ARL6IP1: variants seen among roughly 807,000 people sequenced by gnomAD.
ARL6IP1 encodes ADP-ribosylation factor-like protein 6-interacting protein 1.
ARL6IP1 carries 16 observed loss-of-function variants against 30.1 expected under a neutral mutation model. The ratio of observed to expected loss-of-function variants is 0.53; its 90% CI spans 0.36 to 0.81. ARL6IP1 has a LOEUF of 0.81. Among genes scored for constraint, ARL6IP1 ranks in the 30% least tolerant of loss-of-function variants. ARL6IP1 has a pLI of 0.01. For synonymous variants in ARL6IP1, 72 were observed against 84.8 expected, an observed-to-expected ratio of 0.85 and a Z score of 0.83; for missense variants, 173 against 242.7, an observed-to-expected ratio of 0.71 and a Z score of 1.91.
chr16:18,799,471 A>G (rs1567292917), intron 1 of ARL6IP1, among the ~76,000 whole-genome samples: 1 of 152,262 alleles, frequency 6.6e-6, no homozygotes, highest in Non-Finnish European at 1.5e-5. Flanking sequence ...TCTCAAAGTC[A>G]TGCGGGGAAT....
At chr16:18,801,094 G>A in intron 1 of ARL6IP1, 2 of 1,010,228 alleles carry the variant, frequency 2.0e-6, no homozygotes, top group Non-Finnish European at 2.6e-6. Context: ...GCTGGGGCCT[G>A]AGCCGCGAAA....
chr16:18,794,577 T>C, intron 5 of ARL6IP1, 22 bp downstream of exon 5: 1 of 1,594,074 alleles, frequency 6.3e-7, no homozygotes, highest in Non-Finnish European at 8.6e-7. Flanking sequence ...GATGTGCCTG[T>C]AGTTTTTCCT....
At chr16:18,795,229 T>C in intron 4 of ARL6IP1, 1 of 379,268 alleles carries the variant, frequency 2.6e-6, no homozygotes, top group Non-Finnish European at 4.8e-6. Context: ...TTTACTATTA[T>C]TTCAGTAAGA....
intron 5 of ARL6IP1, among the ~76,000 whole-genome samples, chr16:18,793,901 CAT>C (rs2030149820): frequency 2.0e-5 from 3 of 152,006 alleles, no homozygotes; most frequent in Admixed American, 1.3e-4. Flanking sequence ...TTTTAGTACA[CAT>C]GTGATTTCGC....
intron 3 of ARL6IP1, among the ~76,000 whole-genome samples, chr16:18,796,239 G>T (rs2030227926): frequency 6.6e-6 from 1 of 152,012 alleles, no homozygotes; most frequent in Admixed American, 6.6e-5. Flanking sequence ...TTTTTTAATT[G>T]CCTTTGCACT....
At chr16:18,793,620 G>A (rs1424908875) in intron 5 of ARL6IP1, among the ~76,000 whole-genome samples, 1 of 151,896 alleles carries the variant, frequency 6.6e-6, no homozygotes, top group Non-Finnish European at 1.5e-5. Flanking sequence ...TAGTAGAGAT[G>A]GGGTTTCTCC....
chr16:18,795,398 G>C (rs2030199275), intron 4 of ARL6IP1, 66 bp downstream of exon 4: 5 of 1,142,128 alleles, frequency 4.4e-6, no homozygotes, highest in Non-Finnish European at 6.4e-6. Flanking sequence ...TAGCTATTAA[G>C]ACAAAAAGGC....
At position 18,795,447 on chromosome 16, in the gene ARL6IP1, C is replaced by A. The variant is rs202235339; in HGVS notation, c.408+17G>T. Reference sequence around the variant, plus strand: ...TCTTAAAATTTTACTGTACTTAAGTCAAAGCAAAAAAAGTACCATCTTAGG... The same window carrying A: ...TCTTAAAATTTTACTGTACTTAAGTAAAAGCAAAAAAAGTACCATCTTAGG... On this transcript the variant is annotated intron_variant, in intron 4 of 5. Transcript: ENST00000304414. The A allele has an allele frequency of 6.1e-4, 966 of 1,590,348 alleles. 3 individuals are homozygous for A. Among genetic ancestry groups the A allele is most frequent in the Non-Finnish European group, 4.8e-4 (563 of 1,164,328 alleles).
intron 5 of ARL6IP1, 61 bp downstream of exon 5, chr16:18,794,538 C>T (rs578059743): frequency 2.1e-5 from 27 of 1,259,988 alleles, no homozygotes; most frequent in Middle Eastern, 1.9e-4. Flanking sequence ...TGTTTACTGA[C>T]GAAGTTACAG....
chr16:18,800,389 A>G (rs1347691816), intron 1 of ARL6IP1, among the ~76,000 whole-genome samples: 2 of 152,238 alleles, frequency 1.3e-5, no homozygotes, highest in African/African-American at 2.4e-5. Flanking sequence ...GTTGGGAAGC[A>G]GGAGCTCTAG....
Position 18,793,189 on chromosome 16 carries a change from A to G in ARL6IP1, c.*63T>C. 2.9e-6 allele frequency: 3 copies of G among 1,050,404 alleles called. No individual in the cohort carries two copies. Among genetic ancestry groups the G allele is most frequent in the Non-Finnish European group, 4.4e-6 (3 of 688,062 alleles). The allele number at this position is 1,050,404 out of a possible 1,614,324, so 65.1% of individuals were successfully genotyped here. ...CGTAACATTTTAGTATCCAGATAGT[A>G]CAGCAGAAACGGTTCCCGGGGCAAT... On this transcript the variant is annotated 3_prime_UTR_variant, in exon 6 of 6. Transcript: ENST00000304414.
At chr16:18,797,692 A>G (rs552529658) in intron 3 of ARL6IP1, 3 of 385,568 alleles carry the variant, frequency 7.8e-6, no homozygotes, top group South Asian at 1.0e-4. Context: ...CTAAATATCA[A>G]TGGAAATGTA....
At chr16:18,799,972 G>C (rs557937291) in intron 1 of ARL6IP1, among the ~76,000 whole-genome samples, 3 of 152,122 alleles carry the variant, frequency 2.0e-5, no homozygotes, top group African/African-American at 4.8e-5. Flanking sequence ...TTGGCGGGTC[G>C]GGGGGGATTG....
At chr16:18,798,168 A>C (rs1210966034) in intron 2 of ARL6IP1, 124 bp from the exon 3 acceptor site, 1 of 986,874 alleles carries the variant, frequency 1.0e-6, no homozygotes, top group Non-Finnish European at 1.4e-6. Context: ...TTTTTCTTCT[A>C]ATTTTCTCAC....
At position 18,799,927 on chromosome 16, in the gene ARL6IP1, C is replaced by A. The variant is rs1205893213; in HGVS notation, c.37-1093G>T. On this transcript the variant is annotated intron_variant, in intron 1 of 5. Transcript: ENST00000304414. The stretch of plus-strand genomic sequence containing the variant: ...ACTCAAGTGTCTCTATGTTATCAGG[C>A]TGGATGCAGTGGATCACGCCTGTAA... Among the ~76,000 whole-genome samples the A allele has an allele frequency of 2.0e-5, 3 of 152,144 alleles. No homozygotes were observed. The East Asian group carries it at 5.8e-4, about 29-fold the overall frequency.
chr16:18,793,927 C>T (rs948892764), intron 5 of ARL6IP1, among the ~76,000 whole-genome samples: 4 of 149,132 alleles, frequency 2.7e-5, no homozygotes, highest in African/African-American at 7.4e-5. Context: ...GTTGGCCAGG[C>T]GGTCTCCAAC....
intron 3 of ARL6IP1, among the ~76,000 whole-genome samples, chr16:18,796,976 T>A (rs1375400122): frequency 6.6e-6 from 1 of 152,220 alleles, no homozygotes; most frequent in East Asian, 1.9e-4. Context: ...TTCCAACTTC[T>A]ATTTTGGCTG....
In ARL6IP1 at chr16:18,793,341, T is replaced by G. The variant is rs148048273; in HGVS notation, c.523A>C (p.Asn175His). The G allele has an allele frequency of 1.9e-6, 3 of 1,613,062 alleles. No individual in the cohort carries two copies. The highest frequency in any genetic ancestry group is 1.7e-4 in the Middle Eastern group (1 of 5,830). Residue 175 changes from asparagine (N) to histidine (H), a missense_variant, in exon 6 of 6, where the codon AAC (asparagine) becomes CAC (histidine). By Grantham distance (68) the Asn-to-His change is moderately conservative. Transcript: ENST00000304414. ...TACTTCAAAATGATTCCATGTTGGTTTAGTCCAGGAAGCAATAGTAAGGAA... is the reference window on the plus strand; with the variant it reads ...TACTTCAAAATGATTCCATGTTGGTGTAGTCCAGGAAGCAATAGTAAGGAA... Reference protein sequence around the residue: ...VTSLLLLPGLNQHGIILKYIG... With the variant: ...VTSLLLLPGLHQHGIILKYIG...
rs903283953 is a variant in ARL6IP1, at chr16:18,793,453, C to T, written c.494-83G>A. On this transcript the variant is annotated intron_variant, in intron 5 of 5. Coordinates refer to ENST00000304414, the MANE Select transcript of ARL6IP1 (RefSeq NM_015161.3). ...TTACTTTTTTTTTTTTTTTTTGAGA[C>T]AAAGTTTCACTTTTGTTGCCCAGGC... 14 of 757,926 alleles carry T rather than the reference C, an allele frequency of 1.8e-5. 1 individual carries two copies. In the South Asian group the frequency reaches 1.9e-4, roughly 10 times the overall value. 47.0% of individuals were successfully genotyped at this position (757,926 alleles called of 1,614,324 possible). A position where few individuals can be genotyped will look rare whatever the true frequency, so the allele number is the denominator to read the frequency against.
Sources: allele counts gnomAD v4.1 joint callset (sites outside exome capture counted in the v4.1 genomes callset), GRCh38; gene constraint gnomAD v4.1.1; transcripts MANE v1.5; gene names NCBI Gene and HGNC (gene_info 2026-07-23, HGNC 2026-07-21).